Variants in MCPH1 observed in about 807,000 individuals in gnomAD.
MCPH1 encodes the protein microcephalin.
A neutral mutation model predicts 84.5 loss-of-function variants in MCPH1; 104 were observed. The ratio of observed to expected loss-of-function variants is 1.23; its 90% CI spans 1.05 to 1.45. MCPH1 has a LOEUF of 1.45. MCPH1 is among the 40% of genes most tolerant of loss of function. The pLI is 0.00. For missense variants in MCPH1, 1,498 were observed against 1,005.7 expected (o/e 1.49, Z -6.62); for synonymous variants, 514 against 366.8 (o/e 1.40, Z -4.58).
At chr8:6,531,445 C>T (rs1215934326) in intron 12 of MCPH1, among the ~76,000 whole-genome samples, 1 of 152,018 alleles carries the variant, frequency 6.6e-6, no homozygotes, top group Non-Finnish European at 1.5e-5. Flanking sequence ...CCCGCCACCA[C>T]ACCTGGCTAA....
At position 6,411,535 on chromosome 8, in the gene MCPH1, G is replaced by C. The variant is rs566382615; in HGVS notation, c.114+2165G>C. 6.6e-5 allele frequency among the ~76,000 whole-genome samples: 10 copies of C among 152,294 alleles called. No homozygotes were observed. In the South Asian group the frequency reaches 2.1e-3, roughly 32 times the overall value. ...AAGTTCTCCACTTTAAGGAAAGGAA[G>C]AAAATTGTGTGTTGAAGTTGCTAAG... On this transcript the variant is annotated intron_variant, in intron 2 of 13. Transcript: ENST00000344683.
chr8:6,646,261 C>T lies in MCPH1; in HGVS notation c.*3212C>T, dbSNP rs1798212067. ...CCAACTTGGTGAAACCTTGTCTCTACTAGAAATACAAAAAATTAGCCAGGC... is the reference window on the plus strand; with the variant it reads ...CCAACTTGGTGAAACCTTGTCTCTATTAGAAATACAAAAAATTAGCCAGGC... On this transcript the variant is annotated 3_prime_UTR_variant, in exon 14 of 14. Transcript: ENST00000344683. The T allele has an allele frequency of 6.6e-6, 1 of 152,104 alleles. No individual in the cohort carries two copies. Among genetic ancestry groups the T allele is most frequent in the Non-Finnish European group, 1.5e-5 (1 of 68,020 alleles). 9.4% of individuals were successfully genotyped at this position (152,104 alleles called of 1,614,324 possible). A position where few individuals can be genotyped will look rare whatever the true frequency, so the allele number is the denominator to read the frequency against.
chr8:6,619,452 G>A (rs750118815), intron 12 of MCPH1, among the ~76,000 whole-genome samples: 1 of 151,704 alleles, frequency 6.6e-6, no homozygotes, highest in South Asian at 2.1e-4. Context: ...CAAAATGCTC[G>A]GCTAGTTTTT....
intron 12 of MCPH1, among the ~76,000 whole-genome samples, chr8:6,593,922 C>T (rs1214403614): frequency 6.6e-6 from 1 of 152,198 alleles, no homozygotes; most frequent in African/African-American, 2.4e-5. Context: ...TCAGAAGGAC[C>T]CCCGCTGGCA....
At chr8:6,517,402 A>G (rs1455253737) in intron 12 of MCPH1, among the ~76,000 whole-genome samples, 1 of 152,222 alleles carries the variant, frequency 6.6e-6, no homozygotes, top group African/African-American at 2.4e-5. Flanking sequence ...TGTGAAATTT[A>G]GGGAAGGAAA....
chr8:6,504,431 T>A lies in MCPH1; in HGVS notation c.2214+4502T>A, dbSNP rs577017037. ...CCCTCCCAGAACATGAATAATCTCCTCTATCCAGTGGATCCACGCTGTCTA... is the reference window on the plus strand; with the variant it reads ...CCCTCCCAGAACATGAATAATCTCCACTATCCAGTGGATCCACGCTGTCTA... On this transcript the variant is annotated intron_variant, in intron 12 of 13. Coordinates refer to ENST00000344683, the MANE Select transcript of MCPH1 (RefSeq NM_024596.5). Among the ~76,000 whole-genome samples the A allele has an allele frequency of 5.3e-4, 80 of 151,982 alleles. 1 individual carries two copies. The highest frequency in any genetic ancestry group is 1.9e-3 in the Admixed American group (29 of 15,204).
chr8:6,598,552 C>T (rs996947511), intron 12 of MCPH1, among the ~76,000 whole-genome samples: 7 of 152,240 alleles, frequency 4.6e-5, no homozygotes, highest in African/African-American at 1.7e-4. Flanking sequence ...CACACCAGAA[C>T]AGCTCTCCTC....
At chr8:6,622,181 C>CCAT (rs1831505634) in intron 13 of MCPH1, 2 of 203,116 alleles carry the variant, frequency 9.8e-6, no homozygotes, top group Admixed American at 1.0e-4. Flanking sequence ...TCAAACGACT[C>CCAT]CATCTTTTAT....
intron 9 of MCPH1, 30 bp downstream of exon 9, chr8:6,455,282 T>G (rs745626904): frequency 7.0e-7 from 1 of 1,423,130 alleles, no homozygotes; most frequent in Non-Finnish European, 9.9e-7. Context: ...ATTTTAAACT[T>G]TCAAATGCTG....
chr8:6,498,894 CA>C (rs542976929), intron 11 of MCPH1, among the ~76,000 whole-genome samples: 1 of 151,286 alleles, frequency 6.6e-6, no homozygotes, highest in Non-Finnish European at 1.5e-5. Flanking sequence ...ACTACAAATA[CA>C]AAAAAAATTA....
rs1798055437 is a variant in MCPH1, at chr8:6,643,343, C to T, written c.*294C>T. On this transcript the variant is annotated 3_prime_UTR_variant, in exon 14 of 14. Coordinates refer to ENST00000344683, the MANE Select transcript of MCPH1 (RefSeq NM_024596.5). Reference sequence around the variant, plus strand: ...GCAATGGCACAATCTCGGCTCACTGCAACCTCCACCTCCCAGGTTCAAGCG... The same window carrying T: ...GCAATGGCACAATCTCGGCTCACTGTAACCTCCACCTCCCAGGTTCAAGCG... The T allele has an allele frequency of 1.5e-4, 59 of 406,656 alleles. No homozygotes were observed. Among genetic ancestry groups the T allele is most frequent in the South Asian group, 1.1e-3 (45 of 41,016 alleles). The allele number at this position is 406,656 out of a possible 1,614,324, so 25.2% of individuals were successfully genotyped here.
At chr8:6,460,859 G>C (rs758829075) in intron 9 of MCPH1, among the ~76,000 whole-genome samples, 5 of 152,106 alleles carry the variant, frequency 3.3e-5, no homozygotes, top group Non-Finnish European at 7.3e-5. Flanking sequence ...GGCAACGTCT[G>C]CAAATAGCTG....
chr8:6,556,024 T>A (rs1271531522), intron 12 of MCPH1, among the ~76,000 whole-genome samples: 1 of 152,166 alleles, frequency 6.6e-6, no homozygotes, highest in African/African-American at 2.4e-5. Context: ...ACTTGGTATC[T>A]CAGGCCTGAT....
chr8:6,542,298 GTGTGTGTGTGTGTATC>G (rs1164510237), intron 12 of MCPH1, among the ~76,000 whole-genome samples: 1 of 152,062 alleles, frequency 6.6e-6, no homozygotes, highest in Admixed American at 6.5e-5. Flanking sequence ...AGGGGTGTGT[GTGTGTGTGTGTGTATC>G]TGTGTGTGTG....
At chr8:6,468,217 G>A (rs1456944012) in intron 9 of MCPH1, among the ~76,000 whole-genome samples, 1 of 152,146 alleles carries the variant, frequency 6.6e-6, no homozygotes, top group Admixed American at 6.5e-5. Flanking sequence ...CTCTCCTCCT[G>A]CCACTGCCCC....
chr8:6,412,946 C>T (rs1432814466), intron 2 of MCPH1, among the ~76,000 whole-genome samples: 1 of 152,172 alleles, frequency 6.6e-6, no homozygotes, highest in African/African-American at 2.4e-5. Flanking sequence ...ATTTCCTTTT[C>T]CATTTTTCAA....
chr8:6,561,148 G>A (rs539737887), intron 12 of MCPH1, among the ~76,000 whole-genome samples: 4 of 152,314 alleles, frequency 2.6e-5, no homozygotes, highest in South Asian at 2.1e-4. Context: ...TAAGCTTAGC[G>A]TAATTATTCA....
chr8:6,502,168 T>G (rs1223557249), intron 12 of MCPH1: 1 of 152,168 alleles, frequency 6.6e-6, no homozygotes, highest in Admixed American at 6.5e-5. Context: ...TTCTTTGTCA[T>G]AGAATGAAAT....
chr8:6,600,335 G>A (rs564402204), intron 12 of MCPH1, among the ~76,000 whole-genome samples: 41 of 152,376 alleles, frequency 2.7e-4, no homozygotes, highest in Admixed American at 4.6e-4. Flanking sequence ...CTAGCTGGCC[G>A]TGGGTGCTGG....
Sources: gnomAD v4.1 joint callset for allele counts (sites outside exome capture counted in the v4.1 genomes callset) on GRCh38, gnomAD v4.1.1 for gene constraint, MANE v1.5 for transcripts, NCBI Gene and HGNC (gene_info 2026-07-23, HGNC 2026-07-21) for gene names.